Variants in CTNNA3 observed in about 807,000 individuals in gnomAD.
CTNNA3 encodes the protein catenin alpha-3.
Under a neutral mutation model 95.7 loss-of-function variants are expected in CTNNA3, and 76 were observed. That is an observed-to-expected ratio of 0.79 (90% confidence interval 0.66 to 0.96). The LOEUF (loss-of-function observed/expected upper bound fraction) is 0.96, where lower values mean the gene tolerates loss of function less well. CTNNA3 is among the 40% of genes least tolerant of loss of function. The pLI is 0.00. For synonymous variants in CTNNA3, 431 were observed against 374.4 expected (o/e 1.15, Z -1.74); for missense variants, 1,191 against 1,089.8 (o/e 1.09, Z -1.31).
intron 9 of CTNNA3, among the ~76,000 whole-genome samples, chr10:66,644,045 C>T (rs1246041995): frequency 6.6e-6 from 1 of 151,966 alleles, no homozygotes; most frequent in African/African-American, 2.4e-5. Flanking sequence ...ATCACTTGAG[C>T]CTGGGAGTTC....
intron 13 of CTNNA3, among the ~76,000 whole-genome samples, chr10:66,262,992 AC>A: frequency 6.6e-6 from 1 of 152,086 alleles, no homozygotes; most frequent in African/African-American, 2.4e-5. Flanking sequence ...TTAAGCTGTG[AC>A]CCAAGCAGAA....
intron 14 of CTNNA3, among the ~76,000 whole-genome samples, chr10:66,075,518 A>T (rs1232325582): frequency 6.6e-6 from 1 of 151,832 alleles, no homozygotes; most frequent in Non-Finnish European, 1.5e-5. Flanking sequence ...ATATAAATGT[A>T]TCATCTTGGC....
rs577806482 is a variant in CTNNA3, at chr10:67,357,399, T to C, written c.580-137529A>G. ...TTTACTACAATATCATGATGCATAT[T>C]AATACAGAGAAAGCACAAGGCTTCA... is the stretch of plus-strand genomic sequence containing the variant. On this transcript the variant is annotated intron_variant, in intron 5 of 17. Transcript: ENST00000433211. Among the ~76,000 whole-genome samples the C allele has an allele frequency of 2.0e-5, 3 of 152,212 alleles. No homozygotes were observed. The East Asian group carries it at 5.8e-4, about 29-fold the overall frequency.
At chr10:67,113,855 T>C (rs546264165) in intron 7 of CTNNA3, among the ~76,000 whole-genome samples, 1 of 152,188 alleles carries the variant, frequency 6.6e-6, no homozygotes, top group Non-Finnish European at 1.5e-5. Flanking sequence ...AGCTTACATT[T>C]AGAAAATACT....
At chr10:66,652,539 A>T (rs1348007671) in intron 9 of CTNNA3, among the ~76,000 whole-genome samples, 2 of 152,184 alleles carry the variant, frequency 1.3e-5, no homozygotes, top group South Asian at 4.1e-4. Context: ...AGATGGCTTC[A>T]CTGCTTAATT....
At chr10:66,043,843 G>T (rs1036790748) in intron 15 of CTNNA3, among the ~76,000 whole-genome samples, 1 of 152,096 alleles carries the variant, frequency 6.6e-6, no homozygotes, top group African/African-American at 2.4e-5. Context: ...GCAAACTGAC[G>T]CTCCTGAAAT....
intron 2 of CTNNA3, among the ~76,000 whole-genome samples, chr10:67,632,416 A>C (rs777288689): frequency 6.6e-6 from 1 of 152,122 alleles, no homozygotes; most frequent in African/African-American, 2.4e-5. Flanking sequence ...AATTAGAAGC[A>C]GCTGCGGTCT....
Position 67,663,852 on chromosome 10 carries a change from C to T in CTNNA3, c.-5-16334G>A, listed in dbSNP as rs1840262097. 2.0e-5 allele frequency among the ~76,000 whole-genome samples: 3 copies of T among 152,162 alleles called. No individual in the cohort carries two copies. In the South Asian group the frequency reaches 6.2e-4, roughly 32 times the overall value. On this transcript the variant is annotated intron_variant, in intron 1 of 17. Transcript: ENST00000433211. ...AGCAGCGAGTTTCTAAGCTAGTTCA[C>T]TTAGACAAGCCCAGTTTAGTGAGTA...
intron 13 of CTNNA3, among the ~76,000 whole-genome samples, chr10:66,261,309 T>G (rs2090991275): frequency 6.6e-6 from 1 of 152,118 alleles, no homozygotes; most frequent in African/African-American, 2.4e-5. Context: ...TACCTCATCT[T>G]CTTTTACAGA....
At chr10:66,397,151 C>T (rs1042889229) in intron 11 of CTNNA3, among the ~76,000 whole-genome samples, 11 of 151,404 alleles carry the variant, frequency 7.3e-5, no homozygotes, top group Admixed American at 2.0e-4. Context: ...TAAATAGTGG[C>T]ATTATGAGTA....
intron 10 of CTNNA3, among the ~76,000 whole-genome samples, chr10:66,533,237 T>C (rs1841533243): frequency 6.6e-6 from 1 of 152,174 alleles, no homozygotes; most frequent in African/African-American, 2.4e-5. Context: ...CATTTGTCTA[T>C]GCTTTTCTTT....
intron 17 of CTNNA3, among the ~76,000 whole-genome samples, chr10:65,942,309 A>C (rs2077442259): frequency 6.6e-6 from 1 of 152,134 alleles, no homozygotes; most frequent in African/African-American, 2.4e-5. Context: ...TGGGCAGATC[A>C]AGAAGTCAAG....
intron 7 of CTNNA3, among the ~76,000 whole-genome samples, chr10:67,041,376 G>A (rs1442237068): frequency 6.6e-6 from 1 of 152,032 alleles, no homozygotes; most frequent in Non-Finnish European, 1.5e-5. Flanking sequence ...AGGTTACTTA[G>A]TGAATGCCAA....
intron 9 of CTNNA3, among the ~76,000 whole-genome samples, chr10:66,706,699 T>A (rs1289983298): frequency 6.6e-6 from 1 of 152,060 alleles, no homozygotes; most frequent in Admixed American, 6.6e-5. Flanking sequence ...ACCCTAAAAA[T>A]TAATACTGAA....
At chr10:66,030,280 A>T (rs898432978) in intron 15 of CTNNA3, among the ~76,000 whole-genome samples, 1 of 152,208 alleles carries the variant, frequency 6.6e-6, no homozygotes, top group Non-Finnish European at 1.5e-5. Flanking sequence ...CTAAGCAAAA[A>T]GAACAAAGCA....
At chr10:66,183,189 A>G (rs1393260989) in intron 13 of CTNNA3, among the ~76,000 whole-genome samples, 9 of 152,238 alleles carry the variant, frequency 5.9e-5, no homozygotes, top group African/African-American at 2.2e-4. Context: ...TTGGACAGAC[A>G]TAAGCCAAGG....
chr10:67,383,933 A>G (rs1049792520), intron 5 of CTNNA3, among the ~76,000 whole-genome samples: 1 of 152,190 alleles, frequency 6.6e-6, no homozygotes, highest in East Asian at 1.9e-4. Context: ...TTAATATCAA[A>G]CCAGCTTTCT....
intron 7 of CTNNA3, among the ~76,000 whole-genome samples, chr10:67,118,349 G>A (rs975264356): frequency 2.6e-5 from 4 of 151,978 alleles, no homozygotes; most frequent in East Asian, 1.9e-4. Flanking sequence ...ATTCCTCTCC[G>A]ATATCCATTC....
chr10:66,352,203 C>A (rs1249244450), intron 12 of CTNNA3, among the ~76,000 whole-genome samples: 1 of 151,988 alleles, frequency 6.6e-6, no homozygotes, highest in African/African-American at 2.4e-5. Context: ...GGTAACAAGG[C>A]CCCAGCAGTC....
Sources: allele counts gnomAD v4.1 joint callset (sites outside exome capture counted in the v4.1 genomes callset), GRCh38; gene constraint gnomAD v4.1.1; transcripts MANE v1.5; gene names NCBI Gene and HGNC (gene_info 2026-07-23, HGNC 2026-07-21).